VPS35L: variants seen among roughly 807,000 people sequenced by gnomAD.
The protein encoded by VPS35L is VPS35 endosomal protein sorting factor like, also known as VPS35 endosomal protein-sorting factor-like.
In VPS35L, 83 loss-of-function variants were observed where a neutral mutation model predicts 133.0. That is an observed-to-expected ratio of 0.62 (90% CI 0.52 to 0.75). The LOEUF (loss-of-function observed/expected upper bound fraction) is 0.75, where lower values mean the gene tolerates loss of function less well. VPS35L is among the 30% of genes least tolerant of loss of function. VPS35L has a pLI of 0.00. For missense variants in VPS35L, 1,083 were observed against 1,206.8 expected (o/e 0.90, Z 1.52); for synonymous variants, 423 against 449.9 (o/e 0.94, Z 0.76).
rs752472733 is a variant in VPS35L, at chr16:19,669,399, A to G, written c.2361+100A>G. ...CTAAAACTGCAGGAACATTCTATCTAGTATCTTTGTGTTGGTTTTCCAGTT... is the reference window on the plus strand; with the variant it reads ...CTAAAACTGCAGGAACATTCTATCTGGTATCTTTGTGTTGGTTTTCCAGTT... On this transcript the variant is annotated intron_variant, in intron 27 of 30. Transcript: ENST00000417362. 2.4e-5 allele frequency: 33 copies of G among 1,362,792 alleles called. No homozygotes were observed. In the Admixed American group the frequency reaches 2.5e-4, roughly 10 times the overall value. The allele number at this position is 1,362,792 out of a possible 1,614,324, so 84.4% of individuals were successfully genotyped here.
chr16:19,572,763 A>T (rs1597315339), intron 3 of VPS35L, among the ~76,000 whole-genome samples: 1 of 152,028 alleles, frequency 6.6e-6, no homozygotes, highest in African/African-American at 2.4e-5. Flanking sequence ...GCTTACTGCA[A>T]CCTCTGCCTT....
At position 19,568,472 on chromosome 16, in the gene VPS35L, C is replaced by G. The variant is rs564232527; in HGVS notation, c.118-952C>G. On this transcript the variant is annotated intron_variant, in intron 2 of 30. Coordinates refer to ENST00000417362, the MANE Select transcript of VPS35L (RefSeq NM_020314.7). The stretch of plus-strand genomic sequence containing the variant: ...TTGATTATTCATTCGGTCTCCAGCC[C>G]TCTCACCTTCCCGAAGGATGGGGAA... Among the ~76,000 whole-genome samples the G allele has an allele frequency of 4.4e-4, 67 of 152,068 alleles. 3 individuals carry two copies. In the South Asian group the frequency reaches 0.013, roughly 30 times the overall value.
At position 19,682,222 on chromosome 16, in the gene VPS35L, T is replaced by G; in HGVS notation, c.2362-3T>G. On this transcript the variant is annotated splice_region_variant and splice_polypyrimidine_tract_variant and intron_variant, in intron 27 of 30. Coordinates refer to ENST00000417362, the MANE Select transcript of VPS35L (RefSeq NM_020314.7). Reference sequence around the variant, plus strand: ...ATTTATCCTTTTTTCGGTTCTCTGCTAGGATCATCCTGAACATGGGGTCCT... The same window carrying G: ...ATTTATCCTTTTTTCGGTTCTCTGCGAGGATCATCCTGAACATGGGGTCCT... 1 of 1,613,808 alleles carries G rather than the reference T, an allele frequency of 6.2e-7. No homozygotes were observed. Among genetic ancestry groups the G allele is most frequent in the South Asian group, 1.1e-5 (1 of 91,058 alleles).
intron 29 of VPS35L, chr16:19,694,162 A>G (rs2151629029): frequency 6.6e-6 from 1 of 152,210 alleles, no homozygotes; most frequent in East Asian, 1.9e-4. Context: ...CAATCATTGT[A>G]ATTCTAGGCA....
At position 19,591,842 on chromosome 16, in the gene VPS35L, T is replaced by A; in HGVS notation, c.692T>A (p.Phe231Tyr). 1 of 1,612,602 alleles carries A rather than the reference T, an allele frequency of 6.2e-7. No homozygotes were observed. The highest frequency in any genetic ancestry group is 8.5e-7 in the Non-Finnish European group (1 of 1,178,684). ...TSVIQFYPSK[F>Y]VLITDILDTF... is the part of the protein sequence containing the mutation. ...GTTATTCAGTTCTACCCAAGCAAAT[T>A]TGTCCTTATCACCGACATACTTGAT... is the stretch of plus-strand genomic sequence containing the variant. Residue 231 changes from phenylalanine to tyrosine, a missense_variant, in exon 8 of 31, where the codon TTT (phenylalanine) becomes TAT (tyrosine). Coordinates refer to ENST00000417362, the MANE Select transcript of VPS35L (RefSeq NM_020314.7).
At chr16:19,586,058 C>T (rs369614162) in intron 7 of VPS35L, among the ~76,000 whole-genome samples, 9 of 152,048 alleles carry the variant, frequency 5.9e-5, no homozygotes, top group Admixed American at 2.0e-4. Context: ...CTGCCACACC[C>T]GGCTAATTTT....
intron 3 of VPS35L, among the ~76,000 whole-genome samples, chr16:19,569,803 G>C (rs1971305113): frequency 6.6e-6 from 1 of 150,730 alleles, no homozygotes; most frequent in South Asian, 2.1e-4. Context: ...TGAATAGCTG[G>C]GATTATAGGT....
At chr16:19,652,939 T>G (rs1184903455) in intron 26 of VPS35L, among the ~76,000 whole-genome samples, 1 of 152,148 alleles carries the variant, frequency 6.6e-6, no homozygotes, top group Non-Finnish European at 1.5e-5. Flanking sequence ...GAAGGTGATC[T>G]CAGTGATATC....
At chr16:19,573,541 G>A (rs1396394534) in intron 4 of VPS35L, among the ~76,000 whole-genome samples, 1 of 151,984 alleles carries the variant, frequency 6.6e-6, no homozygotes, top group African/African-American at 2.4e-5. Flanking sequence ...GGAGGAGGTC[G>A]GGCACGGTGG....
rs59193331 is a variant in VPS35L, at chr16:19,614,729, G to A, written c.1024-1385G>A. Among the ~76,000 whole-genome samples the A allele has an allele frequency of 6.0e-3, 919 of 152,186 alleles. 13 individuals are homozygous for A. The highest frequency in any genetic ancestry group is 0.02 in the African/African-American group (846 of 41,546). On this transcript the variant is annotated intron_variant, in intron 12 of 30. Transcript: ENST00000417362. ...GCCCAGCCTACGAAGTTGTTTTTGC[G>A]GTTAAGCAGCAATTTGGAAACGAAG...
chr16:19,679,394 A>ACAC, intron 27 of VPS35L, among the ~76,000 whole-genome samples: 1 of 146,962 alleles, frequency 6.8e-6, no homozygotes, highest in Admixed American at 6.9e-5. Flanking sequence ...CCACAGGTGC[A>ACAC]CACCACCACA....
chr16:19,598,337 A>T (rs114443), intron 8 of VPS35L, among the ~76,000 whole-genome samples: 6,749 of 152,258 alleles, frequency 0.044, 265 homozygotes, highest in African/African-American at 0.1. Flanking sequence ...GTTATTATTT[A>T]TCTCTTTTAG....
intron 26 of VPS35L, among the ~76,000 whole-genome samples, chr16:19,663,001 A>T (rs930210459): frequency 6.6e-6 from 1 of 151,938 alleles, no homozygotes; most frequent in Non-Finnish European, 1.5e-5. Flanking sequence ...AAAAAAAATA[A>T]TAATAATTAT....
chr16:19,680,080 T>C (rs1206306934), intron 27 of VPS35L, among the ~76,000 whole-genome samples: 1 of 152,152 alleles, frequency 6.6e-6, no homozygotes, highest in Non-Finnish European at 1.5e-5. Flanking sequence ...AAATGTCCAC[T>C]CTGGAGCCAA....
intron 7 of VPS35L, among the ~76,000 whole-genome samples, chr16:19,588,601 T>C (rs993468743): frequency 2.0e-5 from 3 of 152,180 alleles, no homozygotes; most frequent in Non-Finnish European, 4.4e-5. Context: ...GCTTGTCAAT[T>C]TTTACAAAAT....
chr16:19,660,358 G>T (rs2151595622), intron 26 of VPS35L, among the ~76,000 whole-genome samples: 1 of 151,954 alleles, frequency 6.6e-6, no homozygotes, highest in South Asian at 2.1e-4. Context: ...AGAAATAATG[G>T]TTTTTCTATT....
intron 28 of VPS35L, among the ~76,000 whole-genome samples, 157 bp downstream of exon 28, chr16:19,682,547 A>G (rs539292990): frequency 2.6e-5 from 4 of 152,292 alleles, no homozygotes; most frequent in Non-Finnish European, 5.9e-5. Context: ...TCTAAGATTT[A>G]CCTGGAGCAA....
At position 19,628,685 on chromosome 16, in the gene VPS35L, C is replaced by T. The variant is rs773243489; in HGVS notation, c.1432C>T (p.Pro478Ser). The T allele has an allele frequency of 8.7e-6, 14 of 1,603,810 alleles. No individual in the cohort carries two copies. In the South Asian group the frequency reaches 1.3e-4, roughly 15 times the overall value. ...ATTAAACTTGGCCTTGGCTGATCCTCCTGAGAGTGACCGACTTCAGATTCT... is the reference window on the plus strand; with the variant it reads ...ATTAAACTTGGCCTTGGCTGATCCTTCTGAGAGTGACCGACTTCAGATTCT... ...LGLNLALADP[P>S]ESDRLQILNE... The change falls in exon 17 of 31, where the codon CCT (proline) becomes TCT (serine). Residue 478 changes from proline (P) to serine (S), a missense_variant. Transcript: ENST00000417362.
At chr16:19,575,745 C>G (rs1379147937) in intron 5 of VPS35L, among the ~76,000 whole-genome samples, 1 of 151,126 alleles carries the variant, frequency 6.6e-6, no homozygotes, top group South Asian at 2.1e-4. Flanking sequence ...TGCCTATAAT[C>G]CCAGTTACAT....
Sources: gnomAD v4.1 joint callset for allele counts (sites outside exome capture counted in the v4.1 genomes callset) on GRCh38, gnomAD v4.1.1 for gene constraint, MANE v1.5 for transcripts, NCBI Gene and HGNC (gene_info 2026-07-23, HGNC 2026-07-21) for gene names.